Variants in DNAJC13 observed in about 807,000 individuals in gnomAD.
DNAJC13 encodes the protein DnaJ heat shock protein family (Hsp40) member C13.
DNAJC13 carries 75 observed loss-of-function variants against 290.5 expected under a neutral mutation model. That is an observed-to-expected ratio of 0.26 (90% CI 0.21 to 0.31). The LOEUF (loss-of-function observed/expected upper bound fraction) is 0.31, where lower values mean the gene tolerates loss of function less well. Ranked by LOEUF, DNAJC13 falls within the 10% of genes least tolerant of loss-of-function variation. DNAJC13 has a pLI of 1.00. For synonymous variants in DNAJC13, 862 were observed against 892.0 expected (o/e 0.97, Z 0.60); for missense variants, 2,260 against 2,674.5 (o/e 0.85, Z 3.42).
At chr3:132,506,045 C>CTTGTTTT (rs1935573908) in intron 42 of DNAJC13, among the ~76,000 whole-genome samples, 1 of 72,648 alleles carries the variant, frequency 1.4e-5, no homozygotes, top group Non-Finnish European at 2.7e-5. Flanking sequence ...TGTACATTAT[C>CTTGTTTT]TTTTTTTTTT....
intron 54 of DNAJC13, among the ~76,000 whole-genome samples, chr3:132,529,820 G>C (rs1050559164): frequency 2.0e-5 from 3 of 151,424 alleles, no homozygotes; most frequent in Non-Finnish European, 4.4e-5. Flanking sequence ...TTAAAGAAGA[G>C]AGGCAGCACT....
chr3:132,456,437 C>T, intron 10 of DNAJC13, 36 bp downstream of exon 10: 4 of 1,609,704 alleles, frequency 2.5e-6, no homozygotes, highest in Non-Finnish European at 3.4e-6. Context: ...CATTTCCACT[C>T]ATCTACTTAA....
chr3:132,423,253 T>A (rs1576451200), intron 1 of DNAJC13, among the ~76,000 whole-genome samples: 2 of 152,318 alleles, frequency 1.3e-5, no homozygotes, highest in East Asian at 3.9e-4. Flanking sequence ...CGTTTCAGTC[T>A]GGGTGACAAA....
intron 55 of DNAJC13, chr3:132,537,052 CCTTT>C: frequency 2.2e-6 from 1 of 449,680 alleles, no homozygotes; most frequent in Non-Finnish European, 4.5e-6. Flanking sequence ...TGAATGGTGG[CCTTT>C]TTGTCCTCCA....
rs374654574 is a variant in DNAJC13, at chr3:132,511,052, G to A, written c.5116-15G>A. On this transcript the variant is annotated splice_polypyrimidine_tract_variant and intron_variant, in intron 43 of 55. Coordinates refer to ENST00000260818, the MANE Select transcript of DNAJC13 (RefSeq NM_015268.4). ...GGGCACCCATGTTGTTTAAATACTT[G>A]TCTGCATTGATTAGGTTCCAAAAGC... 247 of 1,612,364 alleles carry A rather than the reference G, an allele frequency of 1.5e-4. No homozygotes were observed. The highest frequency in any genetic ancestry group is 6.0e-4 in the Admixed American group (36 of 59,882).
intron 54 of DNAJC13, among the ~76,000 whole-genome samples, chr3:132,529,938 A>G (rs1936366307): frequency 6.6e-6 from 1 of 152,202 alleles, no homozygotes; most frequent in African/African-American, 2.4e-5. Context: ...ATGCCAAGCA[A>G]AGGCTCTCCT....
chr3:132,444,491 A>G (rs1933179845), intron 2 of DNAJC13, among the ~76,000 whole-genome samples: 1 of 152,248 alleles, frequency 6.6e-6, no homozygotes, highest in Non-Finnish European at 1.5e-5. Flanking sequence ...TTTCTTAGCC[A>G]GTCTTCTAAG....
chr3:132,466,435 G>A (rs747979425), intron 19 of DNAJC13, 41 bp downstream of exon 19: 4 of 1,508,018 alleles, frequency 2.7e-6, no homozygotes, highest in Non-Finnish European at 3.6e-6. Flanking sequence ...TTAGGAGTAA[G>A]GGTACTGTTA....
rs1392410193 is a variant in DNAJC13, at chr3:132,446,470, T to C, written c.69-5T>C. On this transcript the variant is annotated splice_region_variant and splice_polypyrimidine_tract_variant and intron_variant, in intron 2 of 55. Transcript: ENST00000260818. The stretch of plus-strand genomic sequence containing the variant: ...CTAAATTTAAGCACTTGTTTTCCTT[T>C]GTAGGTATAAGCGTGTCTTTTCAGT... 3 of 1,597,534 alleles carry C rather than the reference T, an allele frequency of 1.9e-6. No individual in the cohort carries two copies. The highest frequency in any genetic ancestry group is 2.6e-6 in the Non-Finnish European group (3 of 1,174,194).
At chr3:132,466,690 T>C (rs1934001734) in intron 19 of DNAJC13, among the ~76,000 whole-genome samples, 2 of 152,234 alleles carry the variant, frequency 1.3e-5, no homozygotes, top group African/African-American at 4.8e-5. Context: ...ATTCAACTTA[T>C]TGGTACGTTC....
intron 31 of DNAJC13, among the ~76,000 whole-genome samples, chr3:132,489,260 A>G (rs1353381674): frequency 6.6e-6 from 1 of 152,198 alleles, no homozygotes; most frequent in Non-Finnish European, 1.5e-5. Flanking sequence ...GCTATGAACT[A>G]TAGCCTGACA....
In DNAJC13 at chr3:132,513,134, C is replaced by T. The variant is rs193044890; in HGVS notation, c.5385+35C>T. 5.2e-5 allele frequency: 79 copies of T among 1,519,952 alleles called. No homozygotes were observed. In the East Asian group the frequency reaches 1.6e-3, roughly 31 times the overall value. 94.2% of individuals were successfully genotyped at this position (1,519,952 alleles called of 1,614,324 possible). On this transcript the variant is annotated intron_variant, in intron 45 of 55. Transcript: ENST00000260818. The stretch of plus-strand genomic sequence containing the variant: ...TTTTGTACTAAAGCGTGTTGCCTTT[C>T]CTACCACTTACCATGTGTAATTTGA...
At chr3:132,535,835 A>C (rs1274933318) in intron 55 of DNAJC13, among the ~76,000 whole-genome samples, 1 of 152,106 alleles carries the variant, frequency 6.6e-6, no homozygotes, top group Non-Finnish European at 1.5e-5. Context: ...ATTCTGTGCA[A>C]ATGACCAGGC....
chr3:132,454,339 T>TTTTG (rs1933519003), intron 9 of DNAJC13, among the ~76,000 whole-genome samples, 182 bp downstream of exon 9: 2 of 145,928 alleles, frequency 1.4e-5, no homozygotes, highest in African/African-American at 5.1e-5. Flanking sequence ...TTTTTTTTTT[T>TTTTG]GAGACAGAGT....
At chr3:132,475,194 T>TC in intron 22 of DNAJC13, 109 bp downstream of exon 22, 3 of 739,588 alleles carry the variant, frequency 4.1e-6, no homozygotes, top group African/African-American at 3.6e-5. Context: ...TCTTTACCTT[T>TC]CCCCCTTTAA....
At chr3:132,517,220 C>T (rs1479555025) in intron 48 of DNAJC13, among the ~76,000 whole-genome samples, 1 of 152,206 alleles carries the variant, frequency 6.6e-6, no homozygotes, top group East Asian at 1.9e-4. Context: ...ACATGCCACC[C>T]TCAGCAGTGA....
chr3:132,520,661 T>C (rs1936062246), intron 48 of DNAJC13, among the ~76,000 whole-genome samples: 1 of 152,172 alleles, frequency 6.6e-6, no homozygotes, highest in East Asian at 1.9e-4. Flanking sequence ...CAGATGACAG[T>C]AGGTTAGATT....
intron 5 of DNAJC13, among the ~76,000 whole-genome samples, chr3:132,448,291 T>C (rs1319772560): frequency 2.0e-5 from 3 of 152,186 alleles, no homozygotes; most frequent in Non-Finnish European, 2.9e-5. Context: ...ATTCATTGTT[T>C]GGTGTAGGAG....
At chr3:132,489,705 T>C (rs746972782) in intron 31 of DNAJC13, among the ~76,000 whole-genome samples, 7 of 152,098 alleles carry the variant, frequency 4.6e-5, no homozygotes, top group Non-Finnish European at 1.0e-4. Context: ...TTGCACCACC[T>C]TGACAATAGA....
Sources: allele counts gnomAD v4.1 joint callset (sites outside exome capture counted in the v4.1 genomes callset), GRCh38; gene constraint gnomAD v4.1.1; transcripts MANE v1.5; gene names NCBI Gene and HGNC (gene_info 2026-07-23, HGNC 2026-07-21).